NHERF4: variants seen among roughly 807,000 people sequenced by gnomAD.
NHERF4 encodes NHERF family PDZ scaffold protein 4, also known as Na(+)/H(+) exchange regulatory cofactor NHE-RF4.
At chr11:119,188,026 T>G in the NHERF4 span, 1 of 1,559,276 alleles carries the variant, frequency 6.4e-7, no homozygotes, top group African/African-American at 1.3e-5. Context: ...TGCCCCTGGC[T>G]GCACCCCTGG....
the NHERF4 span, among the ~76,000 whole-genome samples, chr11:119,187,012 G>A: frequency 1.2e-4 from 18 of 152,008 alleles, 1 homozygote; most frequent in Admixed American, 7.9e-4. Flanking sequence ...GGTGGCAGGC[G>A]CCTGTAATCC....
At chr11:119,186,262 C>A in the NHERF4 span, 1 of 1,613,048 alleles carries the variant, frequency 6.2e-7, no homozygotes. The surrounding 1 kb of genome is among the most constrained non-coding windows in gnomAD (Gnocchi z 4.4). Context: ...ACTCGGTCTC[C>A]CTCTGATAAC....
At chr11:119,185,963 C>T in the NHERF4 span, 31 of 1,613,964 alleles carry the variant, frequency 1.9e-5, no homozygotes, top group South Asian at 4.4e-5. Context: ...GTAAGTGCCA[C>T]GAGGGTTGGG....
chr11:119,189,453 C>G, the NHERF4 span: 1 of 1,614,106 alleles, frequency 6.2e-7, no homozygotes, highest in African/African-American at 1.3e-5. This position sits in a 1 kb window ranked among gnomAD's most constrained non-coding sequence, Gnocchi z 5.8. Context: ...TACCTCCTCT[C>G]TCTGTATAGG....
chr11:119,187,936 A>T, the NHERF4 span: 1 of 1,551,444 alleles, frequency 6.4e-7, no homozygotes, highest in Non-Finnish European at 8.7e-7. Context: ...CTGGGTCCCC[A>T]CAGCTTTGGC....
chr11:119,189,672 G>T, the NHERF4 span: 1 of 686,674 alleles, frequency 1.5e-6, no homozygotes, highest in Non-Finnish European at 2.6e-6. This position sits in a 1 kb window ranked among gnomAD's most constrained non-coding sequence, Gnocchi z 5.8. Context: ...AGAGGGTGTG[G>T]TTGGAGGCCT....
the NHERF4 span, chr11:119,189,283 G>A: frequency 7.9e-6 from 12 of 1,519,738 alleles, no homozygotes; most frequent in Admixed American, 9.4e-5. This position sits in a 1 kb window ranked among gnomAD's most constrained non-coding sequence, Gnocchi z 5.8. Flanking sequence ...CAGAGTGGGC[G>A]AGGTACAAGG....
chr11:119,189,884 A>T, the NHERF4 span: 3 of 342,640 alleles, frequency 8.8e-6, no homozygotes, highest in Non-Finnish European at 1.6e-5. The surrounding 1 kb of genome is among the most constrained non-coding windows in gnomAD (Gnocchi z 5.8). Flanking sequence ...TGGGTGCCTT[A>T]GCATTGCGGG....
the NHERF4 span, chr11:119,189,356 C>T: frequency 6.4e-5 from 96 of 1,510,392 alleles, no homozygotes; most frequent in African/African-American, 6.3e-4. The surrounding 1 kb of genome is among the most constrained non-coding windows in gnomAD (Gnocchi z 5.8). Flanking sequence ...CAGAAGGACT[C>T]GTGAAATAAA....
the NHERF4 span, chr11:119,189,582 C>T: frequency 6.9e-7 from 1 of 1,452,950 alleles, no homozygotes; most frequent in Non-Finnish European, 9.7e-7. The surrounding 1 kb of genome is among the most constrained non-coding windows in gnomAD (Gnocchi z 5.8). Context: ...TCTCTCTAAG[C>T]CAGACCAGAG....
the NHERF4 span, chr11:119,186,644 T>C: frequency 1.2e-6 from 2 of 1,611,944 alleles, no homozygotes; most frequent in Admixed American, 1.7e-5. The surrounding 1 kb of genome is among the most constrained non-coding windows in gnomAD (Gnocchi z 4.4). Flanking sequence ...GGAGACAGGA[T>C]CCTGGCGGTG....
At chr11:119,188,936 C>A in the NHERF4 span, 1 of 1,611,120 alleles carries the variant, frequency 6.2e-7, no homozygotes, top group Admixed American at 1.7e-5. Flanking sequence ...CCTCTGCTTC[C>A]CTCCCAGAGC....
chr11:119,187,361 A>G, the NHERF4 span: 1 of 1,613,768 alleles, frequency 6.2e-7, no homozygotes, highest in Admixed American at 1.7e-5. Flanking sequence ...CAGCTGGGAG[A>G]AGATGCCCAC....
At chr11:119,186,751 C>T in the NHERF4 span, 1 of 1,458,832 alleles carries the variant, frequency 6.9e-7, no homozygotes, top group Admixed American at 2.3e-5. The surrounding 1 kb of genome is among the most constrained non-coding windows in gnomAD (Gnocchi z 4.4). Flanking sequence ...GTTGCTCAGT[C>T]CCCTGGGCAG....
the NHERF4 span, chr11:119,186,429 TGGG>T: frequency 6.2e-7 from 1 of 1,603,124 alleles, no homozygotes; most frequent in Admixed American, 1.7e-5. This position sits in a 1 kb window ranked among gnomAD's most constrained non-coding sequence, Gnocchi z 4.4. Flanking sequence ...AACCTGTACT[TGGG>T]CTGTGCCCTC....
the NHERF4 span, chr11:119,189,624 C>T: frequency 5.8e-6 from 6 of 1,043,050 alleles, no homozygotes; most frequent in Non-Finnish European, 8.9e-6. The surrounding 1 kb of genome is among the most constrained non-coding windows in gnomAD (Gnocchi z 5.8). Context: ...CAGGCTGGCC[C>T]AGGTGCTCCC....
the NHERF4 span, chr11:119,187,149 A>G: frequency 1.2e-6 from 1 of 856,404 alleles, no homozygotes; most frequent in East Asian, 2.8e-5. Context: ...TCAAAAAAAA[A>G]AAAAAAAAAG....
the NHERF4 span, chr11:119,190,021 C>T: frequency 2.3e-6 from 1 of 427,786 alleles, no homozygotes; most frequent in Non-Finnish European, 4.1e-6. This position sits in a 1 kb window ranked among gnomAD's most constrained non-coding sequence, Gnocchi z 4.2. Context: ...GCCTCAGGCT[C>T]AAGGGGTGGG....
At chr11:119,189,447 T>G in the NHERF4 span, 1 of 1,613,994 alleles carries the variant, frequency 6.2e-7, no homozygotes, top group Non-Finnish European at 8.5e-7. This position sits in a 1 kb window ranked among gnomAD's most constrained non-coding sequence, Gnocchi z 5.8. Context: ...ACCTTCTACC[T>G]CCTCTCTCTG....
Sources: gnomAD v4.1 joint callset for allele counts (sites outside exome capture counted in the v4.1 genomes callset) on GRCh38, gnomAD v4.1.1 for gene constraint, Gnocchi (gnomAD v3.1) non-coding constraint, MANE v1.5 for transcripts, NCBI Gene and HGNC (gene_info 2026-07-23, HGNC 2026-07-21) for gene names.